Variants in DAB1 observed in about 807,000 individuals in gnomAD.
DAB1 encodes the protein DAB adaptor protein 1.
Under a neutral mutation model 64.6 loss-of-function variants are expected in DAB1, and 15 were observed. The ratio of observed to expected loss-of-function variants is 0.23; its 90% CI spans 0.16 to 0.36. DAB1 has a LOEUF of 0.36. Ranked by LOEUF, DAB1 falls within the 10% of genes least tolerant of loss-of-function variation. The pLI is 1.00. For synonymous variants in DAB1, 235 were observed against 251.9 expected, an observed-to-expected ratio of 0.93 and a Z score of 0.64; for missense variants, 596 against 706.7, an observed-to-expected ratio of 0.84 and a Z score of 1.78.
At chr1:58,499,839 T>C (rs1431196842) in intron 3 of DAB1, among the ~76,000 whole-genome samples, 2 of 151,994 alleles carry the variant, frequency 1.3e-5, no homozygotes, top group Non-Finnish European at 2.9e-5. Context: ...GCTATATTTA[T>C]TCCCAGTAAC....
At chr1:58,514,060 C>T (rs2100434492) in intron 2 of DAB1, among the ~76,000 whole-genome samples, 1 of 152,284 alleles carries the variant, frequency 6.6e-6, no homozygotes, top group South Asian at 2.1e-4. Context: ...TTCCAGGACT[C>T]AGAACATAGT....
intron 3 of DAB1, among the ~76,000 whole-genome samples, chr1:58,396,169 G>A (rs1214886107): frequency 6.6e-6 from 1 of 151,992 alleles, no homozygotes; most frequent in Non-Finnish European, 1.5e-5. Flanking sequence ...CCCAGGTCAG[G>A]ATGTGCTGGG....
At chr1:58,500,860 T>C (rs1250215561) in intron 3 of DAB1, among the ~76,000 whole-genome samples, 1 of 152,188 alleles carries the variant, frequency 6.6e-6, no homozygotes, top group Admixed American at 6.5e-5. Context: ...TTGAAGCAGA[T>C]TTCTCTTATT....
chr1:57,733,584 G>T (rs1162980232), intron 6 of DAB1, among the ~76,000 whole-genome samples: 1 of 152,006 alleles, frequency 6.6e-6, no homozygotes. Context: ...GGGTCCTGGA[G>T]GCACAAATGT....
chr1:58,382,573 TAC>T (rs1644398875), intron 3 of DAB1, among the ~76,000 whole-genome samples: 1 of 152,140 alleles, frequency 6.6e-6, no homozygotes, highest in Admixed American at 6.6e-5. Flanking sequence ...TGGCAGAAAG[TAC>T]GGGAATATTC....
chr1:57,421,902 C>CGGGGGGGGGGGG (rs1309675216), intron 1 of DAB1, among the ~76,000 whole-genome samples: 1 of 11,710 alleles, frequency 8.5e-5, no homozygotes, highest in Non-Finnish European at 1.7e-4. Flanking sequence ...TGGGGGGTGG[C>CGGGGGGGGGGGG]GGGGGGGGGG....
chr1:57,097,186 G>A (rs1654242780), intron 4 of DAB1, among the ~76,000 whole-genome samples: 1 of 152,214 alleles, frequency 6.6e-6, no homozygotes, highest in African/African-American at 2.4e-5. Context: ...TCCAGTTGCA[G>A]AAATTAAAAT....
At position 57,116,461 on chromosome 1, in the gene DAB1, C is replaced by CAAAAAAA. The variant is rs61590002; in HGVS notation, c.306+20075_306+20081dup. 1.9e-3 allele frequency among the ~76,000 whole-genome samples: 135 copies of CAAAAAAA among 71,958 alleles called. 3 individuals are homozygous for CAAAAAAA. The highest frequency in any genetic ancestry group is 6.3e-3 in the African/African-American group (114 of 18,158). 47.2% of individuals were successfully genotyped at this position (71,958 alleles called of 152,430 possible). Reference sequence around the variant, plus strand: ...TGGGCAATAGAGTGAGACTCTGTCTCAAAAAAAAAAAAAAAAAAAAAAGAA... The same window carrying CAAAAAAA: ...TGGGCAATAGAGTGAGACTCTGTCTCAAAAAAAAAAAAAAAAAAAAAAAAAAAAAGAA... On this transcript the variant is annotated intron_variant, in intron 4 of 14. Coordinates refer to ENST00000371236, the MANE Select transcript of DAB1 (RefSeq NM_001365792.1).
rs1362863178 is a variant in DAB1 at position 57,807,351 on chromosome 1, C to T, written n.551+76648G>A. ...TGTATCTCCAAGTAAAAGTTTCATA[C>T]TCAAGAGCAGAAAAGTCACAGTGAC... On this transcript the variant is annotated intron_variant and non_coding_transcript_variant, in intron 6 of 20. Transcript: ENST00000485760. Among the ~76,000 whole-genome samples, 4 of 152,164 alleles carry T rather than the reference C, an allele frequency of 2.6e-5. No homozygotes were observed. In the East Asian group the frequency reaches 5.8e-4, roughly 22 times the overall value.
intron 5 of DAB1, chr1:58,048,350 A>G (rs1341395628): frequency 2.0e-6 from 2 of 1,008,088 alleles, no homozygotes; most frequent in Non-Finnish European, 3.2e-6. Flanking sequence ...TTAATTGCCC[A>G]AATCACTGTA....
chr1:58,458,328 G>T (rs1217610798), intron 3 of DAB1, among the ~76,000 whole-genome samples: 1 of 152,136 alleles, frequency 6.6e-6, no homozygotes, highest in Non-Finnish European at 1.5e-5. Context: ...ATATATTCTT[G>T]CCTCTACCCC....
chr1:57,817,077 C>T (rs1651889426), intron 6 of DAB1, among the ~76,000 whole-genome samples: 2 of 151,530 alleles, frequency 1.3e-5, no homozygotes, highest in South Asian at 4.2e-4. Flanking sequence ...TATATTTTAC[C>T]TTGTGCCTCA....
intron 1 of DAB1, among the ~76,000 whole-genome samples, chr1:57,396,309 C>T (rs1237625094): frequency 6.6e-6 from 1 of 152,220 alleles, no homozygotes; most frequent in Non-Finnish European, 1.5e-5. Context: ...AGATCCATAA[C>T]TATCATGAAG....
chr1:58,110,541 C>T (rs912568210), intron 5 of DAB1, among the ~76,000 whole-genome samples: 7 of 152,192 alleles, frequency 4.6e-5, no homozygotes, highest in Non-Finnish European at 7.3e-5. Context: ...TCTTTACCTC[C>T]ATCTCACAAG....
At chr1:58,296,501 T>G (rs750806972) in intron 4 of DAB1, among the ~76,000 whole-genome samples, 14 of 152,144 alleles carry the variant, frequency 9.2e-5, no homozygotes, top group Non-Finnish European at 1.9e-4. Context: ...GTGCAGCTCA[T>G]GCATGTTCCA....
intron 3 of DAB1, among the ~76,000 whole-genome samples, chr1:58,375,844 T>C (rs549282612): frequency 0.032 from 4,725 of 146,222 alleles, 271 homozygotes; most frequent in African/African-American, 0.11. Context: ...CTATTGATTA[T>C]TGCCACAATT....
chr1:57,380,535 A>G (rs1319042815), intron 1 of DAB1, among the ~76,000 whole-genome samples: 3 of 152,214 alleles, frequency 2.0e-5, no homozygotes, highest in African/African-American at 7.2e-5. Context: ...AGCCTGGAAC[A>G]TAGTGACAAT....
At chr1:57,614,586 T>C (rs1253025275) in intron 7 of DAB1, among the ~76,000 whole-genome samples, 2 of 152,216 alleles carry the variant, frequency 1.3e-5, no homozygotes, top group Non-Finnish European at 2.9e-5. Context: ...AGTCCTTTCT[T>C]CTTTTGTGAT....
upstream of DAB1, among the ~76,000 whole-genome samples, chr1:57,426,994 G>T (rs1233338528): frequency 1.3e-5 from 2 of 151,616 alleles, no homozygotes; most frequent in Non-Finnish European, 2.9e-5. Flanking sequence ...CTCTCAAGTA[G>T]CTGGGACTAC....
Sources: gnomAD v4.1 joint callset for allele counts (sites outside exome capture counted in the v4.1 genomes callset) on GRCh38, gnomAD v4.1.1 for gene constraint, MANE v1.5 for transcripts, NCBI Gene and HGNC (gene_info 2026-07-23, HGNC 2026-07-21) for gene names.